NT5DC2: variants seen among roughly 807,000 people sequenced by gnomAD.
NT5DC2 encodes 5'-nucleotidase domain-containing protein 2.
Under a neutral mutation model 70.0 loss-of-function variants are expected in NT5DC2, and 41 were observed. The ratio of observed to expected loss-of-function variants is 0.59; its 90% CI spans 0.46 to 0.76. The LOEUF (loss-of-function observed/expected upper bound fraction) is 0.76, where lower values mean the gene tolerates loss of function less well. Among genes scored for constraint, NT5DC2 ranks in the 30% least tolerant of loss-of-function variants. The pLI is 0.00. For missense variants in NT5DC2, 705 were observed against 783.2 expected (o/e 0.90, Z 1.19); for synonymous variants, 299 against 310.4 (o/e 0.96, Z 0.39).
At chr3:52,532,629 G>T in intron 1 of NT5DC2, 1 of 407,376 alleles carries the variant, frequency 2.5e-6, no homozygotes, top group Non-Finnish European at 3.3e-6. Flanking sequence ...GCCCTGCTTG[G>T]CCTGGTTCCA....
intron 8 of NT5DC2, 24 bp downstream of exon 8, chr3:52,527,802 CCCT>C: frequency 6.2e-7 from 1 of 1,611,668 alleles, no homozygotes; most frequent in Non-Finnish European, 8.5e-7. Flanking sequence ...GCCCTGCTGT[CCCT>C]CCATCCACAG....
In NT5DC2 at chr3:52,527,285, G is replaced by A. The variant is rs753501238; in HGVS notation, c.1119+9C>T. The A allele has an allele frequency of 1.9e-5, 31 of 1,613,418 alleles. No homozygotes were observed. The highest frequency in any genetic ancestry group is 2.5e-5 in the Non-Finnish European group (30 of 1,179,626). Reference sequence around the variant, plus strand: ...CCACCACATGCTGCTCTCCCCAGATGGCCCTTACCTGCCGATAGATCTTGC... The same window carrying A: ...CCACCACATGCTGCTCTCCCCAGATAGCCCTTACCTGCCGATAGATCTTGC... On this transcript the variant is annotated intron_variant, in intron 10 of 13. Coordinates refer to ENST00000422318, the MANE Select transcript of NT5DC2 (RefSeq NM_001134231.2).
Position 52,533,790 on chromosome 3 carries a change from G to GCCGCCCA in NT5DC2, c.-54_-53insTGGGCGG, listed in dbSNP as rs2079394416. 1 of 974,482 alleles carries GCCGCCCA rather than the reference G, an allele frequency of 1.0e-6. No homozygotes were observed. The highest frequency in any genetic ancestry group is 1.2e-6 in the Non-Finnish European group (1 of 823,624). 60.4% of individuals were successfully genotyped at this position (974,482 alleles called of 1,614,324 possible). On this transcript the variant is annotated 5_prime_UTR_variant, in exon 1 of 14. Transcript: ENST00000422318. ...GCTGCCCTCGGCCAGCCCGCCGCCC[G>GCCGCCCA]CCGCCCGCCGCCCTCCGACTGCGCG...
chr3:52,527,345 T>C lies in NT5DC2; in HGVS notation c.1068A>G (p.Ser356=), dbSNP rs775533853. 6.2e-7 allele frequency: 1 copy of C among 1,614,138 alleles called. No individual in the cohort carries two copies. Among genetic ancestry groups the C allele is most frequent in the East Asian group, 2.2e-5 (1 of 44,880 alleles). The change falls in exon 10 of 14, where the codon TCA becomes TCG. Residue 356 remains serine, a synonymous_variant. Coordinates refer to ENST00000422318, the MANE Select transcript of NT5DC2 (RefSeq NM_001134231.2). Reference sequence around the variant, plus strand: ...AGCGGGTGATCCGGTCCCACTGAAGTGAGCCCTTCTCATCGAGTTTTCTGA... The same window carrying C: ...AGCGGGTGATCCGGTCCCACTGAAGCGAGCCCTTCTCATCGAGTTTTCTGA... ...KPFRKLDEKG[S]LQWDRITRLE...
chr3:52,529,101 G>A lies in NT5DC2; in HGVS notation c.417+49C>T, dbSNP rs757776510. The A allele has an allele frequency of 6.8e-6, 11 of 1,610,340 alleles. No homozygotes were observed. The African/African-American group carries it at 1.2e-4, about 18-fold the overall frequency. On this transcript the variant is annotated intron_variant, in intron 2 of 13. Coordinates refer to ENST00000422318, the MANE Select transcript of NT5DC2 (RefSeq NM_001134231.2). The surrounding 1 kb of genome is among the most constrained non-coding windows in gnomAD (Gnocchi z 4.1). ...CTGAGCTTAGGCCAAGGTGGGTCTG[G>A]CCAGCCTCCAAGCCCTGGGTTTGTT... is the stretch of plus-strand genomic sequence containing the variant.
intron 3 of NT5DC2, 39 bp downstream of exon 3, chr3:52,528,822 G>T (rs1640274631): frequency 6.2e-7 from 1 of 1,607,272 alleles, no homozygotes; most frequent in Admixed American, 1.7e-5. Context: ...ACCAAGAGGA[G>T]GCCAAGGAGG....
In NT5DC2 at chr3:52,524,450, C is replaced by G. The variant is rs779192760; in HGVS notation, c.*20G>C. ...GGGGCAGGAGGGGCTGAGGGCCTGT[C>G]CCAGACAATAAAGGTGCCCTCAGCG... is the stretch of plus-strand genomic sequence containing the variant. On this transcript the variant is annotated 3_prime_UTR_variant, in exon 14 of 14. Coordinates refer to ENST00000422318, the MANE Select transcript of NT5DC2 (RefSeq NM_001134231.2). 8.7e-6 allele frequency: 14 copies of G among 1,612,414 alleles called. No individual in the cohort carries two copies. Among genetic ancestry groups the G allele is most frequent in the Middle Eastern group, 1.6e-4 (1 of 6,084 alleles).
rs570868116 is a variant in NT5DC2 at position 52,529,029 on chromosome 3, A to G, written c.418-94T>C. On this transcript the variant is annotated intron_variant, in intron 2 of 13. Transcript: ENST00000422318. The surrounding 1 kb of genome is among the most constrained non-coding windows in gnomAD (Gnocchi z 4.1). ...AGGGGGTCAATCCAGCCACCTGCCC[A>G]GGGCAGCTGCCAGGCAAGAGGGCCA... The G allele has an allele frequency of 3.7e-5, 58 of 1,583,216 alleles. No homozygotes were observed. The Middle Eastern group carries it at 5.0e-4, about 14-fold the overall frequency.
rs747643714 is a variant in NT5DC2, at chr3:52,528,022, G to A, written c.823C>T (p.Gln275Ter). 1 of 1,612,066 alleles carries A rather than the reference G, an allele frequency of 6.2e-7. No individual in the cohort carries two copies. Among genetic ancestry groups the A allele is most frequent in the Non-Finnish European group, 8.5e-7 (1 of 1,179,434 alleles). ...TTCTGTCCACACTTACCCATGTCCTGCTCGATCCACTGGTACATGAGGCCC... is the reference window on the plus strand; with the variant it reads ...TTCTGTCCACACTTACCCATGTCCTACTCGATCCACTGGTACATGAGGCCC... ...VKGLMYQWIE[Q>*]DMEKYILRGD... Residue 275 changes from glutamine to a stop codon, truncating the protein, a stop_gained, in exon 7 of 14, where the codon CAG becomes TAG. Coordinates refer to ENST00000422318, the MANE Select transcript of NT5DC2 (RefSeq NM_001134231.2). LOFTEE classifies it high-confidence loss of function.
chr3:52,531,301 C>T lies in NT5DC2; in HGVS notation c.233-1967G>A, dbSNP rs13066389. ...ATGCAAGTGAGACAGTTGACTGCAA[C>T]GCTCTAGGGAGCTGCTTCTGAGCCA... On this transcript the variant is annotated intron_variant, in intron 1 of 13. Transcript: ENST00000422318. This position sits in a 1 kb window ranked among gnomAD's most constrained non-coding sequence, Gnocchi z 4.1. Among the ~76,000 whole-genome samples the T allele has an allele frequency of 0.088, 13,459 of 152,224 alleles. 668 individuals carry two copies. Among genetic ancestry groups the T allele is most frequent in the African/African-American group, 0.12 (5,053 of 41,532 alleles).
intron 4 of NT5DC2, 33 bp downstream of exon 4, chr3:52,528,604 G>T: frequency 6.4e-7 from 1 of 1,573,706 alleles, no homozygotes. Flanking sequence ...TGTAGGGTGG[G>T]GCGGGGGTGG....
At chr3:52,534,371 CCTTCCCGCG>C (rs774518832), upstream of NT5DC2, 126 of 1,137,064 alleles carry the variant, frequency 1.1e-4, no homozygotes, top group Admixed American at 3.2e-4. Context: ...AATAAAGAGC[CCTTCCCGCG>C]CTTCCCGGTG....
chr3:52,534,467 T>G, upstream of NT5DC2: 1 of 1,610,096 alleles, frequency 6.2e-7, no homozygotes, highest in Non-Finnish European at 8.5e-7. Flanking sequence ...GGCCGTGCGC[T>G]GCAGGGTTGT....
rs375812674 is a variant in NT5DC2, at chr3:52,527,360, G to A, written c.1053C>T (p.Leu351=). Residue 351 remains leucine (L), a synonymous_variant, in exon 10 of 14, where the codon CTC becomes CTT. Transcript: ENST00000422318. ...CCCACTGAAGTGAGCCCTTCTCATCGAGTTTTCTGAAAGGCCTGGGGTGCA... is the reference window on the plus strand; with the variant it reads ...CCCACTGAAGTGAGCCCTTCTCATCAAGTTTTCTGAAAGGCCTGGGGTGCA... ...FTDRRKPFRK[L]DEKGSLQWDR... is the part of the protein sequence containing the mutation. 3 of 1,614,012 alleles carry A rather than the reference G, an allele frequency of 1.9e-6. No homozygotes were observed. In the African/African-American group the frequency reaches 4.0e-5, roughly 22 times the overall value.
rs554122922 is a variant in NT5DC2, at chr3:52,529,257, C to A, written c.310G>T (p.Val104Phe). Residue 104 changes from valine to phenylalanine, a missense_variant, in exon 2 of 14, where the codon GTT (valine) becomes TTT (phenylalanine). Coordinates refer to ENST00000422318, the MANE Select transcript of NT5DC2 (RefSeq NM_001134231.2). This position sits in a 1 kb window ranked among gnomAD's most constrained non-coding sequence, Gnocchi z 4.1. ...TCGTAGTCAAAGCCGTAGACCTCAA[C>A]GTCACGCAGGCTGATCTCGTTGTTG... The part of the protein sequence containing the change: ...YANNEISLRD[V>F]EVYGFDYDYT... The A allele has an allele frequency of 6.2e-7, 1 of 1,613,976 alleles. No homozygotes were observed. The highest frequency in any genetic ancestry group is 8.5e-7 in the Non-Finnish European group (1 of 1,179,984).
chr3:52,528,698 G>A lies in NT5DC2; in HGVS notation c.493-6C>T. 1.9e-6 allele frequency: 3 copies of A among 1,602,170 alleles called. No individual in the cohort carries two copies. The highest frequency in any genetic ancestry group is 2.2e-5 in the South Asian group (2 of 89,686). ...TCAATCTTCATCAGAAGGCTCTGGG[G>A]GCGCCAGGGAGGCAGGACGGATGGT... On this transcript the variant is annotated splice_region_variant and splice_polypyrimidine_tract_variant and intron_variant, in intron 3 of 13. Coordinates refer to ENST00000422318, the MANE Select transcript of NT5DC2 (RefSeq NM_001134231.2).
intron 10 of NT5DC2, 30 bp from the exon 11 acceptor site, chr3:52,525,325 C>T (rs773088180): frequency 1.9e-6 from 3 of 1,568,880 alleles, no homozygotes; most frequent in Non-Finnish European, 2.6e-6. Context: ...GCTGCTGAGC[C>T]AAGTGTGCCT....
chr3:52,533,446 G>T, intron 1 of NT5DC2, 60 bp downstream of exon 1: 1 of 1,452,670 alleles, frequency 6.9e-7, no homozygotes, highest in Non-Finnish European at 9.1e-7. Flanking sequence ...CTGGGGCTCG[G>T]TCCGTCCATC....
At chr3:52,526,665 T>C (rs1479673069) in intron 10 of NT5DC2, among the ~76,000 whole-genome samples, 1 of 152,136 alleles carries the variant, frequency 6.6e-6, no homozygotes, top group Non-Finnish European at 1.5e-5. Context: ...TCTCTGACCA[T>C]TCTTGTTTTT....
Sources: allele counts gnomAD v4.1 joint callset (sites outside exome capture counted in the v4.1 genomes callset), GRCh38; gene constraint gnomAD v4.1.1; non-coding constraint Gnocchi (gnomAD v3.1); transcripts MANE v1.5; gene names NCBI Gene and HGNC (gene_info 2026-07-23, HGNC 2026-07-21).